FBRSL1: variants seen among roughly 807,000 people sequenced by gnomAD.
The protein encoded by FBRSL1 is fibrosin like 1, also known as fibrosin-1-like protein.
In FBRSL1, 51 loss-of-function variants were observed where a neutral mutation model predicts 89.6. The observed-to-expected ratio is 0.57, with a 90% CI of 0.45 to 0.72. The LOEUF is 0.72. FBRSL1 is among the 30% of genes least tolerant of loss of function. The pLI, the probability that FBRSL1 is intolerant of heterozygous loss-of-function variation, is 0.00. For synonymous variants in FBRSL1, 779 were observed against 681.1 expected, an observed-to-expected ratio of 1.14 and a Z score of -2.24; for missense variants, 1,618 against 1,451.8, an observed-to-expected ratio of 1.11 and a Z score of -1.86.
intron 2 of FBRSL1, chr12:132,509,879 C>T (rs2034132453): frequency 5.7e-6 from 7 of 1,231,730 alleles, no homozygotes; most frequent in Middle Eastern, 3.1e-4. Flanking sequence ...GGCCCGCCAG[C>T]TTCCTCCCAG....
chr12:132,512,513 CCATTGCCCCGCAGAGGGGCT>C (rs2034456229), intron 2 of FBRSL1, among the ~76,000 whole-genome samples: 1 of 152,236 alleles, frequency 6.6e-6, no homozygotes, highest in African/African-American at 2.4e-5. Flanking sequence ...CCCACACAAG[CCATTGCCCCGCAGAGGGGCT>C]GAAGTTGCCT....
chr12:132,574,399 G>A (rs1045764064), intron 13 of FBRSL1, 51 bp downstream of exon 13: 12 of 1,549,028 alleles, frequency 7.7e-6, no homozygotes, highest in Middle Eastern at 1.7e-4. Flanking sequence ...TGGTGCCCCC[G>A]GGGCGGCCTC....
intron 15 of FBRSL1, among the ~76,000 whole-genome samples, chr12:132,580,029 G>C (rs760674238): frequency 1.3e-5 from 2 of 152,196 alleles, no homozygotes; most frequent in Non-Finnish European, 2.9e-5. Context: ...TTGCTTGGCT[G>C]TGTCGTCTTT....
At chr12:132,543,618 T>C (rs2037443747) in intron 4 of FBRSL1, among the ~76,000 whole-genome samples, 3 of 151,510 alleles carry the variant, frequency 2.0e-5, no homozygotes, top group Non-Finnish European at 4.4e-5. Flanking sequence ...ACCAAGCCCA[T>C]GTGCCCCCCT....
intron 9 of FBRSL1, chr12:132,571,573 G>A (rs2040013245): frequency 1.2e-5 from 15 of 1,244,156 alleles, no homozygotes; most frequent in Admixed American, 4.1e-5. Flanking sequence ...CGTGGGGCGG[G>A]GACACGCAGC....
At chr12:132,536,989 G>A (rs1180146161) in intron 4 of FBRSL1, among the ~76,000 whole-genome samples, 2 of 152,204 alleles carry the variant, frequency 1.3e-5, no homozygotes, top group African/African-American at 2.4e-5. Context: ...GGCTCTGCAG[G>A]CACTCGGGGG....
At position 132,583,557 on chromosome 12, in the gene FBRSL1, T is replaced by G; in HGVS notation, c.2788T>G (p.Phe930Val). 9.7e-7 allele frequency: 1 copy of G among 1,031,104 alleles called. No individual in the cohort carries two copies. The highest frequency in any genetic ancestry group is 6.0e-5 in the Admixed American group (1 of 16,772). 63.9% of individuals were successfully genotyped at this position (1,031,104 alleles called of 1,614,324 possible). The change falls in exon 19 of 19, where the codon TTC becomes GTC. Residue 930 changes from phenylalanine (F) to valine (V), a missense_variant. By Grantham distance (50) the Phe-to-Val change is conservative. Transcript: ENST00000680143. ...GCTGCCCTCGCTGGGAGCCCTGCAC[T>G]TCCCGCGCCTCTCGCCCGCCGCGCT... is the stretch of plus-strand genomic sequence containing the variant. ...ALLPSLGALHFPRLSPAALHN... is the reference protein window; with the variant it reads ...ALLPSLGALHVPRLSPAALHN...
chr12:132,496,404 C>T (rs1392644490), intron 1 of FBRSL1, among the ~76,000 whole-genome samples: 2 of 152,150 alleles, frequency 1.3e-5, no homozygotes, highest in African/African-American at 4.8e-5. Flanking sequence ...TGTTCCCTGC[C>T]GAGGGGCCCG....
At chr12:132,582,790 C>T (rs1257942417) in intron 18 of FBRSL1, among the ~76,000 whole-genome samples, 181 bp from the exon 19 acceptor site, 1 of 152,070 alleles carries the variant, frequency 6.6e-6, no homozygotes, top group Admixed American at 6.5e-5. Context: ...TTCCAGGCCG[C>T]CCAGCGGGGA....
chr12:132,545,992 C>T (rs962680725), intron 4 of FBRSL1, among the ~76,000 whole-genome samples: 8 of 152,312 alleles, frequency 5.3e-5, no homozygotes, highest in Non-Finnish European at 1.0e-4. Flanking sequence ...CACTCCCTCT[C>T]GGCCCTCCCC....
At chr12:132,508,490 G>A in intron 2 of FBRSL1, 140 bp downstream of exon 2, 4 of 1,074,538 alleles carry the variant, frequency 3.7e-6, no homozygotes, top group Non-Finnish European at 5.2e-6. Flanking sequence ...GGCTTGGGGT[G>A]CAGGACACGT....
chr12:132,544,607 G>T (rs890412474), intron 4 of FBRSL1, among the ~76,000 whole-genome samples: 1 of 152,150 alleles, frequency 6.6e-6, no homozygotes, highest in African/African-American at 2.4e-5. Flanking sequence ...AGTGATGGTG[G>T]TGAAGATAAC....
At position 132,528,666 on chromosome 12, in the gene FBRSL1, C is replaced by T. The variant is rs184808402; in HGVS notation, c.615+678C>T. ...TGTTTCAGTGTGTGCTGTGCCTCCC[C>T]GTGGGTGCACGGGTGTGTTTCAGTG... is the stretch of plus-strand genomic sequence containing the variant. On this transcript the variant is annotated intron_variant, in intron 4 of 18. Transcript: ENST00000680143. Among the ~76,000 whole-genome samples, 20 of 151,822 alleles carry T rather than the reference C, an allele frequency of 1.3e-4. No homozygotes were observed. The South Asian group carries it at 1.5e-3, about 11-fold the overall frequency.
chr12:132,525,634 C>A, intron 2 of FBRSL1, 100 bp from the exon 3 acceptor site: 1 of 960,462 alleles, frequency 1.0e-6, no homozygotes, highest in Non-Finnish European at 1.6e-6. Context: ...GGCCGGGGTG[C>A]TGGGGTGCCG....
intron 5 of FBRSL1, among the ~76,000 whole-genome samples, chr12:132,548,529 C>T (rs916766271): frequency 6.6e-6 from 1 of 152,218 alleles, no homozygotes; most frequent in Non-Finnish European, 1.5e-5. Flanking sequence ...AGGATTCCTG[C>T]AGCCTCAGCC....
chr12:132,566,439 G>C (rs1052117022), intron 5 of FBRSL1: 1 of 130,644 alleles, frequency 7.7e-6, no homozygotes, highest in African/African-American at 3.0e-5. Flanking sequence ...GAAGAAACTA[G>C]GAGGGAAATA....
In FBRSL1 at chr12:132,584,501, C is replaced by T. The variant is rs1411582557; in HGVS notation, c.*723C>T. The T allele has an allele frequency of 2.6e-5, 4 of 152,242 alleles. No individual in the cohort carries two copies. Among genetic ancestry groups the T allele is most frequent in the Non-Finnish European group, 1.5e-5 (1 of 68,044 alleles). The allele number at this position is 152,242 out of a possible 1,614,324, so 9.4% of individuals were successfully genotyped here. ...GTCACAAAAACCCAGGCGCTGCTGGCTGTAAACATTATCAGAAGTTTAATG... is the reference window on the plus strand; with the variant it reads ...GTCACAAAAACCCAGGCGCTGCTGGTTGTAAACATTATCAGAAGTTTAATG... On this transcript the variant is annotated 3_prime_UTR_variant, in exon 19 of 19. Transcript: ENST00000680143.
rs112270599 is a variant in FBRSL1 at position 132,499,151 on chromosome 12, G to C, written c.291+8290G>C. Among the ~76,000 whole-genome samples, 8 of 152,246 alleles carry C rather than the reference G, an allele frequency of 5.3e-5. No homozygotes were observed. The highest frequency in any genetic ancestry group is 1.7e-4 in the African/African-American group (7 of 41,462). On this transcript the variant is annotated intron_variant, in intron 1 of 18. Transcript: ENST00000680143. This position sits in a 1 kb window ranked among gnomAD's most constrained non-coding sequence, Gnocchi z 4.3. The stretch of plus-strand genomic sequence containing the variant: ...CTCGGCAGCCGCCCCGCCCATTCCA[G>C]ATCTCTGCTCTGCCCAGGTCTTGAT...
intron 12 of FBRSL1, 68 bp downstream of exon 12, chr12:132,574,226 TG>T: frequency 6.9e-7 from 1 of 1,443,456 alleles, no homozygotes; most frequent in Non-Finnish European, 9.1e-7. Context: ...CTGTGCGGGC[TG>T]GTGGCCACAG....
Sources: gnomAD v4.1 joint callset for allele counts (sites outside exome capture counted in the v4.1 genomes callset) on GRCh38, gnomAD v4.1.1 for gene constraint, Gnocchi (gnomAD v3.1) non-coding constraint, MANE v1.5 for transcripts, NCBI Gene and HGNC (gene_info 2026-07-23, HGNC 2026-07-21) for gene names.